The following ERCC6L2 variants were observed in gnomAD, a reference collection of about 807,000 sequenced individuals.
ERCC6L2 encodes ERCC excision repair 6 like 2.
A neutral mutation model predicts 132.0 loss-of-function variants in ERCC6L2; 77 were observed. The ratio of observed to expected loss-of-function variants is 0.58; its 90% CI spans 0.49 to 0.71. ERCC6L2 has a LOEUF of 0.71. Ranked by LOEUF, ERCC6L2 falls within the 30% of genes least tolerant of loss-of-function variation. The probability of loss-of-function intolerance (pLI) is 0.00; values close to 1 mark genes in which losing one functional copy is unlikely to be tolerated. For missense variants in ERCC6L2, 1,542 were observed against 1,837.6 expected (o/e 0.84, Z 2.94); for synonymous variants, 583 against 632.4 (o/e 0.92, Z 1.17).
At chr9:96,005,312 C>CA (rs879731818) in intron 18 of ERCC6L2, among the ~76,000 whole-genome samples, 143 of 133,152 alleles carry the variant, frequency 1.1e-3, no homozygotes, top group African/African-American at 3.7e-3. Context: ...GACTCTGTCT[C>CA]AAAAAAAAAA....
At position 95,971,201 on chromosome 9, in the gene ERCC6L2, T is replaced by C. The variant is rs1832396382; in HGVS notation, c.2181+545T>C. On this transcript the variant is annotated intron_variant, in intron 15 of 18. Transcript: ENST00000653738. The stretch of plus-strand genomic sequence containing the variant: ...GGTTTTTTCTTGTTTGTTTTTAGAG[T>C]CTTAACTATCAATTTATACCAGTCC... 4.6e-5 allele frequency among the ~76,000 whole-genome samples: 7 copies of C among 152,066 alleles called. No homozygotes were observed. The South Asian group carries it at 1.5e-3, about 32-fold the overall frequency.
At chr9:95,906,878 A>G (rs1416209266) in intron 3 of ERCC6L2, among the ~76,000 whole-genome samples, 200 bp from the exon 4 acceptor site, 1 of 152,196 alleles carries the variant, frequency 6.6e-6, no homozygotes, top group Non-Finnish European at 1.5e-5. Context: ...TCTTGTCCTG[A>G]TAAAAAGCTA....
chr9:95,960,409 G>A (rs182955989), intron 13 of ERCC6L2, among the ~76,000 whole-genome samples: 1 of 152,272 alleles, frequency 6.6e-6, no homozygotes, highest in Admixed American at 6.5e-5. Context: ...TATGGAAAAA[G>A]GATCTTTGCA....
chr9:95,906,950 G>A (rs923864626), intron 3 of ERCC6L2, 128 bp from the exon 4 acceptor site: 3 of 658,934 alleles, frequency 4.6e-6, no homozygotes, highest in Non-Finnish European at 7.9e-6. Flanking sequence ...TCACTCAGTT[G>A]TATTTATTGT....
intron 20 of ERCC6L2, among the ~76,000 whole-genome samples, chr9:96,040,462 C>A (rs1255416886): frequency 6.6e-6 from 1 of 152,226 alleles, no homozygotes; most frequent in Non-Finnish European, 1.5e-5. Flanking sequence ...TGATTCCAGG[C>A]AAGTCTGAAT....
At chr9:95,919,887 G>A (rs1220042421) in intron 6 of ERCC6L2, among the ~76,000 whole-genome samples, 2 of 152,170 alleles carry the variant, frequency 1.3e-5, no homozygotes, top group African/African-American at 4.8e-5. Flanking sequence ...GGAATTAATC[G>A]AAGATGACTT....
chr9:95,907,938 A>G (rs1047514864), intron 4 of ERCC6L2, among the ~76,000 whole-genome samples: 3 of 151,916 alleles, frequency 2.0e-5, no homozygotes, highest in African/African-American at 2.4e-5. Context: ...AAGCAGGGAA[A>G]AGATTATAGA....
intron 11 of ERCC6L2, among the ~76,000 whole-genome samples, chr9:95,931,083 G>A (rs572195384): frequency 1.3e-5 from 2 of 152,166 alleles, no homozygotes; most frequent in Non-Finnish European, 2.9e-5. Context: ...TTTTCTTAAT[G>A]TTCACGACCT....
Position 96,012,835 on chromosome 9 carries a change from G to A in ERCC6L2, c.4285G>A (p.Val1429Met). 1 of 1,367,560 alleles carries A rather than the reference G, an allele frequency of 7.3e-7. No individual in the cohort carries two copies. Among genetic ancestry groups the A allele is most frequent in the South Asian group, 1.1e-5 (1 of 88,046 alleles). The allele number at this position is 1,367,560 out of a possible 1,614,324, so 84.7% of individuals were successfully genotyped here. ...GGAAAACAAAAAGATAGAAAATCCA[G>A]TGCTGGAAAATACTTCTGTGATAAG... ...KLENKKIENPVLENTSVISLL... is the reference protein window; with the variant it reads ...KLENKKIENPMLENTSVISLL... Residue 1429 changes from valine (V) to methionine (M), a missense_variant, in exon 19 of 19, where the codon GTG (valine) becomes ATG (methionine). Transcript: ENST00000653738.
intron 12 of ERCC6L2, among the ~76,000 whole-genome samples, chr9:95,944,222 C>T (rs547970230): frequency 6.6e-6 from 1 of 152,262 alleles, no homozygotes; most frequent in South Asian, 2.1e-4. Flanking sequence ...ATAAATGCTA[C>T]AACATAGACA....
intron 2 of ERCC6L2, among the ~76,000 whole-genome samples, chr9:95,894,212 ATGAT>A (rs1256176747): frequency 2.4e-5 from 2 of 81,672 alleles, no homozygotes; most frequent in African/African-American, 6.7e-5. Context: ...GTGAAAAACA[ATGAT>A]TGTATGGGTA....
At chr9:96,007,757 G>A (rs1255406351) in intron 18 of ERCC6L2, among the ~76,000 whole-genome samples, 4 of 152,196 alleles carry the variant, frequency 2.6e-5, no homozygotes, top group African/African-American at 9.7e-5. Context: ...GATTGGATTA[G>A]ATCAAGATGT....
chr9:95,952,085 T>C (rs1448677591), intron 12 of ERCC6L2, among the ~76,000 whole-genome samples: 1 of 143,848 alleles, frequency 7.0e-6, no homozygotes, highest in Non-Finnish European at 1.5e-5. Flanking sequence ...GGAGAATAGC[T>C]TAAACGAGGG....
chr9:96,035,591 A>C (rs1211154049), intron 19 of ERCC6L2, among the ~76,000 whole-genome samples: 1 of 152,192 alleles, frequency 6.6e-6, no homozygotes, highest in East Asian at 1.9e-4. Context: ...AAACCTGAAC[A>C]CTCGACAGAA....
intron 13 of ERCC6L2, among the ~76,000 whole-genome samples, chr9:95,957,279 CAT>C (rs1831652139): frequency 1.3e-5 from 2 of 152,146 alleles, no homozygotes; most frequent in Non-Finnish European, 2.9e-5. Flanking sequence ...ACATCTGCCA[CAT>C]GTGTTGGTAG....
chr9:95,941,898 G>T (rs1017465326), intron 12 of ERCC6L2, among the ~76,000 whole-genome samples: 3 of 152,176 alleles, frequency 2.0e-5, no homozygotes, highest in Non-Finnish European at 4.4e-5. Context: ...TATCCGCAGA[G>T]AAATACTACA....
In ERCC6L2 at chr9:96,017,614, T is replaced by C. The variant is rs138265448; in HGVS notation, c.*4411T>C. Among the ~76,000 whole-genome samples, 81 of 152,336 alleles carry C rather than the reference T, an allele frequency of 5.3e-4. 1 individual carries two copies. Among genetic ancestry groups the C allele is most frequent in the African/African-American group, 1.8e-3 (74 of 41,574 alleles). On this transcript the variant is annotated 3_prime_UTR_variant, in exon 19 of 19. Coordinates refer to ENST00000653738, the MANE Select transcript of ERCC6L2 (RefSeq NM_020207.7). ...TGCCAGTGATTGTCAGGTTTGTCCC[T>C]GGGCAGGACCCACCTGCCTGACCTT...
intron 13 of ERCC6L2, among the ~76,000 whole-genome samples, chr9:95,965,337 T>A (rs1832103327): frequency 6.6e-6 from 1 of 152,192 alleles, no homozygotes; most frequent in Admixed American, 6.5e-5. Context: ...TTATTTTATT[T>A]CTAAAATTGA....
intron 17 of ERCC6L2, among the ~76,000 whole-genome samples, chr9:95,991,507 T>A (rs553078671): frequency 6.6e-6 from 1 of 152,296 alleles, no homozygotes; most frequent in Admixed American, 6.5e-5. Flanking sequence ...GAATGACTGA[T>A]AGACAGACTG....
Sources: allele counts gnomAD v4.1 joint callset (sites outside exome capture counted in the v4.1 genomes callset), GRCh38; gene constraint gnomAD v4.1.1; transcripts MANE v1.5; gene names NCBI Gene and HGNC (gene_info 2026-07-23, HGNC 2026-07-21).